Variants in CCDC88C observed in about 807,000 individuals in gnomAD.
CCDC88C encodes protein Daple.
CCDC88C carries 131 observed loss-of-function variants against 198.8 expected under a neutral mutation model. The ratio of observed to expected loss-of-function variants is 0.66; its 90% confidence interval spans 0.57 to 0.76. CCDC88C has a LOEUF of 0.76. CCDC88C is among the 30% of genes least tolerant of loss of function. CCDC88C has a pLI of 0.00. For missense variants in CCDC88C, 2,553 were observed against 2,631.6 expected, an observed-to-expected ratio of 0.97 and a Z score of 0.65; for synonymous variants, 1,166 against 1,114.7, an observed-to-expected ratio of 1.05 and a Z score of -0.92.
At chr14:91,417,519 C>T (rs1433432777) in intron 1 of CCDC88C, 112 bp downstream of exon 1, 14 of 921,566 alleles carry the variant, frequency 1.5e-5, no homozygotes, top group Non-Finnish European at 1.9e-5. Flanking sequence ...CTGCGTCCCT[C>T]GCGCCCCGGA....
chr14:91,329,513 T>A (rs1461622221), intron 10 of CCDC88C, among the ~76,000 whole-genome samples: 7 of 152,180 alleles, frequency 4.6e-5, no homozygotes, highest in African/African-American at 4.8e-5. Flanking sequence ...CTTGCAGCAC[T>A]TCCCACACCC....
intron 3 of CCDC88C, chr14:91,379,954 G>C: frequency 1.4e-6 from 1 of 701,730 alleles, no homozygotes; most frequent in Non-Finnish European, 2.6e-6. Flanking sequence ...GCTCACTACG[G>C]GGATATCGAA....
chr14:91,315,796 C>A lies in CCDC88C; in HGVS notation c.1528-9G>T. On this transcript the variant is annotated splice_polypyrimidine_tract_variant and intron_variant, in intron 13 of 29. Coordinates refer to ENST00000389857, the MANE Select transcript of CCDC88C (RefSeq NM_001080414.4). ...GTTTGTAACTTTTCAATCTGCAGAA[C>A]CAAAAGACCCAGCCCAGTGCAGACA... The A allele has an allele frequency of 1.9e-6, 3 of 1,609,454 alleles. No individual in the cohort carries two copies. The South Asian group carries it at 3.3e-5, about 18-fold the overall frequency.
intron 24 of CCDC88C, among the ~76,000 whole-genome samples, chr14:91,290,337 G>A (rs1478638535): frequency 6.6e-6 from 1 of 152,220 alleles, no homozygotes; most frequent in East Asian, 1.9e-4. Flanking sequence ...ACTGAGGTTC[G>A]GAAATTCTGT....
chr14:91,392,616 AAAG>A (rs1885572152), intron 3 of CCDC88C, among the ~76,000 whole-genome samples: 1 of 152,178 alleles, frequency 6.6e-6, no homozygotes, highest in Non-Finnish European at 1.5e-5. Context: ...GCGATGCATA[AAAG>A]AAGGAACATT....
intron 17 of CCDC88C, among the ~76,000 whole-genome samples, chr14:91,307,970 A>C (rs1213372663): frequency 6.6e-6 from 1 of 152,232 alleles, no homozygotes; most frequent in African/African-American, 2.4e-5. Flanking sequence ...CCAGAAGTAG[A>C]CATGTGCATG....
In CCDC88C at chr14:91,281,489, A is replaced by G; in HGVS notation, c.4667T>C (p.Leu1556Pro). The G allele has an allele frequency of 6.2e-7, 1 of 1,613,936 alleles. No homozygotes were observed. Reference sequence around the variant, plus strand: ...CCTGTGGTTGGGGACCTCAAACTCCAGGGATGGCTCACAGAGGTTGTCATC... The same window carrying G: ...CCTGTGGTTGGGGACCTCAAACTCCGGGGATGGCTCACAGAGGTTGTCATC... ...NSDDNLCEPS[L>P]EFEVPNHRQY... is the part of the protein sequence containing the mutation. Residue 1556 changes from leucine (L) to proline (P), a missense_variant, in exon 27 of 30, where the codon CTG (leucine) becomes CCG (proline). Transcript: ENST00000389857.
intron 13 of CCDC88C, chr14:91,316,003 G>A (rs894116982): frequency 2.4e-5 from 13 of 532,286 alleles, no homozygotes; most frequent in Middle Eastern, 5.0e-4. Context: ...TCCCCCCAGC[G>A]TCCCTCTGCC....
intron 4 of CCDC88C, among the ~76,000 whole-genome samples, chr14:91,358,193 G>A (rs1055533348): frequency 3.9e-5 from 6 of 152,188 alleles, no homozygotes; most frequent in African/African-American, 9.7e-5. Flanking sequence ...CTTTGTCCTC[G>A]GCTGGTTACT....
At position 91,313,799 on chromosome 14, in the gene CCDC88C, G is replaced by T; in HGVS notation, c.2017C>A (p.Leu673Met). ...ALEHESQGLQ[L>M]ENRTLRKSLD... Reference sequence around the variant, plus strand: ...GACTTCCTCAGAGTCCGGTTCTCCAGCTGCAGGCCCTGGCTCTCATGCTCC... The same window carrying T: ...GACTTCCTCAGAGTCCGGTTCTCCATCTGCAGGCCCTGGCTCTCATGCTCC... Residue 673 changes from leucine (L) to methionine (M), a missense_variant, in exon 15 of 30, where the codon CTG (leucine) becomes ATG (methionine). Around this residue, in one of 2 missense-constraint regions of CCDC88C, gnomAD observed 1,260 missense variants for 1,412.0 expected, o/e 0.89. Transcript: ENST00000389857. The surrounding 1 kb of genome is among the most constrained non-coding windows in gnomAD (Gnocchi z 5.2). The T allele has an allele frequency of 6.2e-7, 1 of 1,605,402 alleles. No homozygotes were observed.
chr14:91,276,827 A>C (rs1398950002), intron 29 of CCDC88C, among the ~76,000 whole-genome samples: 1 of 152,252 alleles, frequency 6.6e-6, no homozygotes. Flanking sequence ...GTGCAGCTTC[A>C]AAAAAGCTAA....
At chr14:91,318,354 T>A (rs951645289) in intron 13 of CCDC88C, among the ~76,000 whole-genome samples, 2 of 152,004 alleles carry the variant, frequency 1.3e-5, no homozygotes, top group Non-Finnish European at 2.9e-5. Flanking sequence ...AGGTCAAATC[T>A]GCAGTGAGCC....
chr14:91,293,230 GCC>G (rs1890760468), intron 23 of CCDC88C, among the ~76,000 whole-genome samples: 2 of 46,136 alleles, frequency 4.3e-5, no homozygotes, highest in African/African-American at 1.0e-4. Context: ...CCACCTTCCT[GCC>G]CCCTCACCTG....
intron 14 of CCDC88C, among the ~76,000 whole-genome samples, chr14:91,314,891 C>A (rs759102456): frequency 6.6e-6 from 1 of 152,214 alleles, no homozygotes; most frequent in African/African-American, 2.4e-5. Context: ...AATCCCAACA[C>A]TTTGGGAAGC....
intron 3 of CCDC88C, among the ~76,000 whole-genome samples, chr14:91,385,593 G>A (rs921535257): frequency 6.6e-6 from 1 of 152,172 alleles, no homozygotes; most frequent in Non-Finnish European, 1.5e-5. Flanking sequence ...GGCCAAACTC[G>A]GACATCAAAA....
intron 15 of CCDC88C, 47 bp from the exon 16 acceptor site, chr14:91,310,033 G>A (rs779106067): frequency 1.8e-5 from 27 of 1,518,422 alleles, no homozygotes; most frequent in Admixed American, 1.3e-4. Context: ...AGCAAAACAC[G>A]CAGGAAGGCC....
In CCDC88C at chr14:91,281,522, T is replaced by C. The variant is rs183647972; in HGVS notation, c.4634A>G (p.Tyr1545Cys). 8.7e-6 allele frequency: 14 copies of C among 1,613,846 alleles called. No individual in the cohort carries two copies. The highest frequency in any genetic ancestry group is 4.5e-5 in the East Asian group (2 of 44,872). ...IARHPGRTKGYNSDDNLCEPS... is the reference protein window; with the variant it reads ...IARHPGRTKGCNSDDNLCEPS... ...CTCACAGAGGTTGTCATCTGAGTTA[T>C]AGCCTAAGGTGAAAATAAGGCTAGT... The change falls in exon 27 of 30, where the codon TAT (tyrosine) becomes TGT (cysteine). Residue 1545 changes from tyrosine (Y) to cysteine (C), a missense_variant. Transcript: ENST00000389857.
intron 17 of CCDC88C, among the ~76,000 whole-genome samples, chr14:91,307,930 C>T (rs1891631203): frequency 1.3e-5 from 2 of 152,358 alleles, no homozygotes; most frequent in Admixed American, 1.3e-4. Context: ...TGTGTTCACA[C>T]ATGTGGCAAA....
At chr14:91,286,247 C>T (rs1403712983) in intron 25 of CCDC88C, among the ~76,000 whole-genome samples, 2 of 152,188 alleles carry the variant, frequency 1.3e-5, no homozygotes, top group African/African-American at 4.8e-5. Context: ...TCACACAATC[C>T]TCCCGTTCCC....
Sources: gnomAD v4.1 joint callset for allele counts (sites outside exome capture counted in the v4.1 genomes callset) on GRCh38, gnomAD v4.1.1 for gene constraint, gnomAD v4.1.1 regional missense constraint, Gnocchi (gnomAD v3.1) non-coding constraint, MANE v1.5 for transcripts, NCBI Gene and HGNC (gene_info 2026-07-23, HGNC 2026-07-21) for gene names.